IFT88: variants seen among roughly 807,000 people sequenced by gnomAD.
IFT88 encodes intraflagellar transport protein 88 homolog.
IFT88 carries 74 observed loss-of-function variants against 119.5 expected under a neutral mutation model. The observed-to-expected ratio is 0.62, with a 90% CI of 0.51 to 0.75. The LOEUF (loss-of-function observed/expected upper bound fraction) is 0.75, where lower values mean the gene tolerates loss of function less well. Among genes scored for constraint, IFT88 ranks in the 30% least tolerant of loss-of-function variants. The pLI is 0.00. For missense variants in IFT88, 961 were observed against 977.7 expected (o/e 0.98, Z 0.23); for synonymous variants, 279 against 316.7 (o/e 0.88, Z 1.26).
intron 24 of IFT88, among the ~76,000 whole-genome samples, chr13:20,683,573 C>T (rs976969834): frequency 1.3e-5 from 2 of 152,084 alleles, no homozygotes; most frequent in African/African-American, 2.4e-5. Context: ...GGGGTTTTAC[C>T]AACTCCAACT....
At chr13:20,595,687 G>C (rs1409050573) in intron 7 of IFT88, among the ~76,000 whole-genome samples, 1 of 152,112 alleles carries the variant, frequency 6.6e-6, no homozygotes, top group African/African-American at 2.4e-5. Context: ...TTAATACCAT[G>C]TATACATTTG....
At chr13:20,645,611 A>G (rs1486274864) in intron 20 of IFT88, among the ~76,000 whole-genome samples, 1 of 152,166 alleles carries the variant, frequency 6.6e-6, no homozygotes, top group Non-Finnish European at 1.5e-5. Flanking sequence ...TCTTAATACA[A>G]GACAGTTTTG....
At chr13:20,617,906 G>A (rs942471002) in intron 14 of IFT88, among the ~76,000 whole-genome samples, 37 of 152,022 alleles carry the variant, frequency 2.4e-4, no homozygotes, top group African/African-American at 8.7e-4. Context: ...TGATCCTCCT[G>A]CCTCAGCCTC....
At chr13:20,603,792 G>A (rs2042987004) in intron 12 of IFT88, among the ~76,000 whole-genome samples, 1 of 152,132 alleles carries the variant, frequency 6.6e-6, no homozygotes, top group Non-Finnish European at 1.5e-5. Context: ...AGCTACTTGG[G>A]AGGCTGAGGT....
chr13:20,649,978 CAG>C (rs1362581952), intron 20 of IFT88, among the ~76,000 whole-genome samples: 2 of 152,002 alleles, frequency 1.3e-5, no homozygotes, highest in East Asian at 3.8e-4. Context: ...GAAATTAAAT[CAG>C]TAATAAAAAA....
chr13:20,658,349 A>AGGG (rs2053221445), intron 22 of IFT88, among the ~76,000 whole-genome samples: 1 of 152,098 alleles, frequency 6.6e-6, no homozygotes, highest in Non-Finnish European at 1.5e-5. Context: ...CCAAATTGCT[A>AGGG]GGATTGCAGG....
intron 1 of IFT88, chr13:20,567,714 A>C: frequency 6.5e-6 from 8 of 1,221,940 alleles, no homozygotes; most frequent in Non-Finnish European, 8.2e-6. Flanking sequence ...TCAGGAATGA[A>C]GATAAAAGTA....
chr13:20,578,190 G>T (rs1470075246), intron 2 of IFT88, among the ~76,000 whole-genome samples: 3 of 150,464 alleles, frequency 2.0e-5, no homozygotes, highest in Non-Finnish European at 4.4e-5. Context: ...GACCACAGGT[G>T]CCTGCCACCA....
At chr13:20,678,339 G>T (rs577391038) in intron 24 of IFT88, among the ~76,000 whole-genome samples, 1 of 152,350 alleles carries the variant, frequency 6.6e-6, no homozygotes, top group East Asian at 1.9e-4. Flanking sequence ...AGTGGGACCA[G>T]GGGGCTGACA....
chr13:20,683,906 TG>T (rs201772919), intron 24 of IFT88, among the ~76,000 whole-genome samples: 1,851 of 152,302 alleles, frequency 0.012, 34 homozygotes, highest in African/African-American at 0.043. Context: ...ATTTCCCCAT[TG>T]TAATCTGAAT....
chr13:20,615,358 C>T (rs542368103), intron 13 of IFT88, among the ~76,000 whole-genome samples: 5 of 152,288 alleles, frequency 3.3e-5, no homozygotes, highest in African/African-American at 1.2e-4. Context: ...TACATATACA[C>T]ACACGGATAC....
intron 16 of IFT88, among the ~76,000 whole-genome samples, chr13:20,632,521 G>A (rs9509308): frequency 6.6e-6 from 1 of 152,162 alleles, no homozygotes; most frequent in Non-Finnish European, 1.5e-5. Flanking sequence ...GTTTTGCTCA[G>A]AATAATGGCG....
chr13:20,678,016 C>T (rs187976191), intron 24 of IFT88, among the ~76,000 whole-genome samples: 38 of 152,222 alleles, frequency 2.5e-4, no homozygotes, highest in African/African-American at 7.5e-4. Flanking sequence ...TGATTATATA[C>T]GTATTATAAT....
chr13:20,650,241 C>T (rs188387144), intron 20 of IFT88, among the ~76,000 whole-genome samples: 80 of 152,174 alleles, frequency 5.3e-4, no homozygotes, highest in African/African-American at 1.8e-3. Context: ...TACTAGCAAA[C>T]CAAATTTAGC....
At chr13:20,583,942 G>A (rs2039177042) in intron 3 of IFT88, among the ~76,000 whole-genome samples, 1 of 152,122 alleles carries the variant, frequency 6.6e-6, no homozygotes, top group Admixed American at 6.6e-5. Context: ...AACCATATAT[G>A]TAAGGGTTTG....
At chr13:20,685,576 A>C (rs1217697423) in intron 24 of IFT88, among the ~76,000 whole-genome samples, 1 of 152,184 alleles carries the variant, frequency 6.6e-6, no homozygotes, top group East Asian at 1.9e-4. Context: ...AGCCCTTTAA[A>C]ATGCCCGTAC....
At chr13:20,637,362 T>C (rs1204104643) in intron 16 of IFT88, among the ~76,000 whole-genome samples, 2 of 152,192 alleles carry the variant, frequency 1.3e-5, no homozygotes, top group Non-Finnish European at 2.9e-5. Context: ...GGGAATTTAA[T>C]GTTATACAGT....
At chr13:20,631,671 T>G (rs975760413) in intron 16 of IFT88, 1 of 152,546 alleles carries the variant, frequency 6.6e-6, no homozygotes, top group Non-Finnish European at 1.5e-5. Context: ...TTTAGGACTT[T>G]CAGGAAAGAT....
Position 20,656,418 on chromosome 13 carries a change from G to T in IFT88, c.2056G>T (p.Glu686Ter). The part of the protein sequence containing the change: ...TYKDTHRKFP[E>*]NVECLRFLVR... The stretch of plus-strand genomic sequence containing the variant: ...CAAAGATACTCACAGAAAATTTCCA[G>T]AAAATGTCGAATGTAAGTGGCATTA... The change falls in exon 22 of 26, where the codon GAA (glutamate) becomes TAA (stop). Residue 686 changes from glutamate to a stop codon, truncating the protein, a stop_gained. Coordinates refer to ENST00000351808, the MANE Select transcript of IFT88 (RefSeq NM_006531.5). LOFTEE classifies it high-confidence loss of function. 2 of 1,501,638 alleles carry T rather than the reference G, an allele frequency of 1.3e-6. No individual in the cohort carries two copies. The highest frequency in any genetic ancestry group is 1.2e-5 in the South Asian group (1 of 80,126). The allele number at this position is 1,501,638 out of a possible 1,614,324, so 93.0% of individuals were successfully genotyped here.
Sources: gnomAD v4.1 joint callset for allele counts (sites outside exome capture counted in the v4.1 genomes callset) on GRCh38, gnomAD v4.1.1 for gene constraint, MANE v1.5 for transcripts, NCBI Gene and HGNC (gene_info 2026-07-23, HGNC 2026-07-21) for gene names.